UNKL: variants seen among roughly 807,000 people sequenced by gnomAD.
UNKL encodes the protein putative E3 ubiquitin-protein ligase UNKL.
In UNKL, 60 loss-of-function variants were observed where a neutral mutation model predicts 78.0. That is an observed-to-expected ratio of 0.77 (90% CI 0.63 to 0.95). UNKL has a LOEUF of 0.95. Ranked by LOEUF, UNKL falls within the 40% of genes least tolerant of loss-of-function variation. The probability of loss-of-function intolerance (pLI) is 0.00; values close to 1 mark genes in which losing one functional copy is unlikely to be tolerated. For missense variants in UNKL, 1,159 were observed against 1,045.7 expected (o/e 1.11, Z -1.49); for synonymous variants, 608 against 474.8 (o/e 1.28, Z -3.65).
intron 3 of UNKL, among the ~76,000 whole-genome samples, chr16:1,401,974 T>G (rs1402699028): frequency 6.6e-6 from 1 of 152,210 alleles, no homozygotes. Context: ...CACAGCTCAT[T>G]GCAGTCTCCA....
intron 2 of UNKL, 80 bp downstream of exon 2, chr16:1,413,761 GCGTCC>G: frequency 1.4e-6 from 2 of 1,397,102 alleles, no homozygotes; most frequent in Non-Finnish European, 1.9e-6. Flanking sequence ...GGACACTAAG[GCGTCC>G]GCTGAGGGTC....
intron 6 of UNKL, chr16:1,395,519 G>A: frequency 2.9e-6 from 1 of 339,768 alleles, no homozygotes; most frequent in East Asian, 7.6e-5. Flanking sequence ...ACACGGCTGG[G>A]TGTGAACACA....
Position 1,403,732 on chromosome 16 carries a change from C to T in UNKL, c.288-388G>A, listed in dbSNP as rs2037631848. On this transcript the variant is annotated intron_variant, in intron 2 of 14. Transcript: ENST00000389221. This position sits in a 1 kb window ranked among gnomAD's most constrained non-coding sequence, Gnocchi z 4.8. Reference sequence around the variant, plus strand: ...ATGCCCTGCACGCAGGCTGCGTCACCTTCCTTACCCGTCGCAGTCACAAAG... The same window carrying T: ...ATGCCCTGCACGCAGGCTGCGTCACTTTCCTTACCCGTCGCAGTCACAAAG... Among the ~76,000 whole-genome samples the T allele has an allele frequency of 6.6e-6, 1 of 152,228 alleles. No individual in the cohort carries two copies. Among genetic ancestry groups the T allele is most frequent in the Non-Finnish European group, 1.5e-5 (1 of 68,044 alleles).
intron 10 of UNKL, among the ~76,000 whole-genome samples, chr16:1,374,307 C>T (rs529626102): frequency 2.2e-4 from 34 of 152,330 alleles, no homozygotes; most frequent in African/African-American, 6.7e-4. Context: ...CCTGCCCTGT[C>T]GTCCCTGCTG....
At chr16:1,367,532 C>T (rs540012375) in intron 13 of UNKL, 124 bp downstream of exon 13, 130 of 955,102 alleles carry the variant, frequency 1.4e-4, no homozygotes, top group Middle Eastern at 3.3e-4. Flanking sequence ...TCTCACCCCC[C>T]ACACGCTCAC....
intron 8 of UNKL, among the ~76,000 whole-genome samples, chr16:1,392,226 G>A (rs148137118): frequency 6.6e-6 from 1 of 152,308 alleles, no homozygotes; most frequent in Non-Finnish European, 1.5e-5. Context: ...GAAGGCAGCT[G>A]AGAAACAGTA....
intron 12 of UNKL, among the ~76,000 whole-genome samples, chr16:1,369,536 AT>A (rs2035610704): frequency 6.6e-6 from 1 of 151,736 alleles, no homozygotes; most frequent in African/African-American, 2.4e-5. Flanking sequence ...CACCCGGCTA[AT>A]TTTGTATTTT....
chr16:1,405,949 G>A (rs1176868135), intron 2 of UNKL: 18 of 456,524 alleles, frequency 3.9e-5, no homozygotes, highest in Admixed American at 1.2e-4. Context: ...ACACATTCTC[G>A]AGACTGCGAG....
intron 8 of UNKL, among the ~76,000 whole-genome samples, chr16:1,391,218 G>A (rs2037034500): frequency 6.8e-6 from 1 of 148,102 alleles, no homozygotes; most frequent in South Asian, 2.1e-4. Context: ...CTATTCAGCA[G>A]TACTCTTGGT....
intron 6 of UNKL, 60 bp downstream of exon 6, chr16:1,397,118 C>G (rs923072565): frequency 4.0e-6 from 6 of 1,504,746 alleles, no homozygotes; most frequent in Admixed American, 3.9e-5. Context: ...CGCTGTGAAC[C>G]CCACAGCTTC....
intron 4 of UNKL, among the ~76,000 whole-genome samples, chr16:1,400,683 G>A (rs181140141): frequency 2.0e-5 from 3 of 151,938 alleles, no homozygotes; most frequent in Admixed American, 2.0e-4. Context: ...TTTATGTTGT[G>A]TGTATTTTAC....
At chr16:1,406,929 G>A (rs2037790156) in intron 2 of UNKL, among the ~76,000 whole-genome samples, 1 of 23,208 alleles carries the variant, frequency 4.3e-5, no homozygotes, top group Non-Finnish European at 6.7e-5. Context: ...CCTGAGGTCA[G>A]GAGTTAAGAG....
In UNKL at chr16:1,371,558, C is replaced by A; in HGVS notation, c.1318G>T (p.Asp440Tyr). The A allele has an allele frequency of 6.5e-7, 1 of 1,536,210 alleles. No homozygotes were observed. ...TCGTGGCCGTCTTGCTCTTCCAGGT[C>A]CTTCTCTAGGGATGCAATATTCACA... is the stretch of plus-strand genomic sequence containing the variant. Reference protein sequence around the residue: ...SNVNIASLEKDLEEQDGHDLG... With the variant: ...SNVNIASLEKYLEEQDGHDLG... The change falls in exon 11 of 15, where the codon GAC becomes TAC. Residue 440 changes from aspartate (D) to tyrosine (Y), a missense_variant. Asp to Tyr is a radical substitution (Grantham distance 160). Transcript: ENST00000389221.
chr16:1,366,978 C>T, intron 14 of UNKL, 114 bp downstream of exon 14: 2 of 1,428,944 alleles, frequency 1.4e-6, no homozygotes, highest in Non-Finnish European at 1.8e-6. Context: ...AGGCCCGGAG[C>T]AGACCCTGGG....
chr16:1,366,104 T>C lies in UNKL; in HGVS notation c.*136A>G, dbSNP rs1186135117. 1 of 1,104,394 alleles carries C rather than the reference T, an allele frequency of 9.1e-7. No individual in the cohort carries two copies. Among genetic ancestry groups the C allele is most frequent in the East Asian group, 2.9e-5 (1 of 34,262 alleles). The allele number at this position is 1,104,394 out of a possible 1,614,324, so 68.4% of individuals were successfully genotyped here. A position where few individuals can be genotyped will look rare whatever the true frequency, so the allele number is the denominator to read the frequency against. On this transcript the variant is annotated 3_prime_UTR_variant, in exon 15 of 15. Coordinates refer to ENST00000389221, the MANE Select transcript of UNKL (RefSeq NM_001372107.1). Reference sequence around the variant, plus strand: ...AGCGCAGGCGGGGCTCCCAGCCTCATGATAACGTGTAACAGGAAGGGCTCC... The same window carrying C: ...AGCGCAGGCGGGGCTCCCAGCCTCACGATAACGTGTAACAGGAAGGGCTCC...
intron 10 of UNKL, among the ~76,000 whole-genome samples, chr16:1,376,490 C>T (rs940849218): frequency 2.6e-5 from 4 of 151,894 alleles, no homozygotes; most frequent in Non-Finnish European, 4.4e-5. Flanking sequence ...TGCACTCCTC[C>T]TCCTGGCGTC....
At chr16:1,397,905 G>A (rs982097717) in intron 5 of UNKL, among the ~76,000 whole-genome samples, 4 of 152,248 alleles carry the variant, frequency 2.6e-5, no homozygotes, top group Non-Finnish European at 5.9e-5. Flanking sequence ...GAGGGGCCTC[G>A]GGCATGGGGC....
chr16:1,364,867 T>C lies in UNKL; in HGVS notation c.*1373A>G, dbSNP rs2035116300. 1 of 152,202 alleles carries C rather than the reference T, an allele frequency of 6.6e-6. No individual in the cohort carries two copies. The highest frequency in any genetic ancestry group is 1.5e-5 in the Non-Finnish European group (1 of 68,084). 9.4% of individuals were successfully genotyped at this position (152,202 alleles called of 1,614,324 possible). A position where few individuals can be genotyped will look rare whatever the true frequency, so the allele number is the denominator to read the frequency against. On this transcript the variant is annotated 3_prime_UTR_variant, in exon 15 of 15. Transcript: ENST00000389221. ...TCCCACACGAGCAGGACCAGGGTGG[T>C]CACGGGTGCTGGGGAGGCAACCACT...
At chr16:1,371,875 G>A (rs1008408178) in intron 10 of UNKL, among the ~76,000 whole-genome samples, 5 of 152,186 alleles carry the variant, frequency 3.3e-5, no homozygotes, top group African/African-American at 1.2e-4. Flanking sequence ...CTGGGTCCTC[G>A]CCTCTGACAC....
Sources: gnomAD v4.1 joint callset for allele counts (sites outside exome capture counted in the v4.1 genomes callset) on GRCh38, gnomAD v4.1.1 for gene constraint, Gnocchi (gnomAD v3.1) non-coding constraint, MANE v1.5 for transcripts, NCBI Gene and HGNC (gene_info 2026-07-23, HGNC 2026-07-21) for gene names.